DNAH7: variants seen among roughly 807,000 people sequenced by gnomAD.
DNAH7 encodes axonemal beta dynein heavy chain 7.
In DNAH7, 397 loss-of-function variants were observed where a neutral mutation model predicts 444.6. The ratio of observed to expected loss-of-function variants is 0.89; its 90% confidence interval spans 0.82 to 0.97. The LOEUF (loss-of-function observed/expected upper bound fraction) is 0.97, where lower values mean the gene tolerates loss of function less well. Among genes scored for constraint, DNAH7 ranks in the 50% least tolerant of loss-of-function variants. DNAH7 has a pLI of 0.00. For synonymous variants in DNAH7, 1,636 were observed against 1,624.4 expected, an observed-to-expected ratio of 1.01 and a Z score of -0.17; for missense variants, 4,902 against 4,800.8, an observed-to-expected ratio of 1.02 and a Z score of -0.62.
intron 47 of DNAH7, among the ~76,000 whole-genome samples, chr2:195,839,048 C>G (rs1698535641): frequency 6.6e-6 from 1 of 151,724 alleles, no homozygotes; most frequent in South Asian, 2.1e-4. Flanking sequence ...TTCAAAATGC[C>G]ATTCACTCAA....
chr2:196,002,096 T>C (rs938352865), intron 10 of DNAH7, among the ~76,000 whole-genome samples: 4 of 152,204 alleles, frequency 2.6e-5, no homozygotes, highest in African/African-American at 7.2e-5. Context: ...AAAGACATAA[T>C]TCTAACTCCT....
chr2:195,864,134 T>G lies in DNAH7; in HGVS notation c.7506+15A>C, dbSNP rs369455932. 1.5e-5 allele frequency: 24 copies of G among 1,600,530 alleles called. No homozygotes were observed. The highest frequency in any genetic ancestry group is 2.1e-5 in the Non-Finnish European group (24 of 1,169,634). On this transcript the variant is annotated intron_variant, in intron 41 of 64. Coordinates refer to ENST00000312428, the MANE Select transcript of DNAH7 (RefSeq NM_018897.3). The stretch of plus-strand genomic sequence containing the variant: ...AACATTTCTAGAAGTCTATCTAAAA[T>G]GTACATGACAATACCTGAAACCAGT...
chr2:195,953,590 G>A (rs1690418360), intron 19 of DNAH7, among the ~76,000 whole-genome samples: 1 of 152,168 alleles, frequency 6.6e-6, no homozygotes, highest in Non-Finnish European at 1.5e-5. Flanking sequence ...TTATCTATAA[G>A]CCCCTGACTG....
chr2:195,927,180 G>T (rs914600184), intron 21 of DNAH7, among the ~76,000 whole-genome samples: 1 of 152,158 alleles, frequency 6.6e-6, no homozygotes, highest in Non-Finnish European at 1.5e-5. Flanking sequence ...CAATACCTAC[G>T]TTCGGTGGAC....
intron 18 of DNAH7, among the ~76,000 whole-genome samples, chr2:195,958,695 C>T (rs377088841): frequency 2.0e-5 from 3 of 152,084 alleles, no homozygotes; most frequent in East Asian, 3.9e-4. Context: ...ATTTAATTTC[C>T]TCAAGAATAA....
intron 10 of DNAH7, among the ~76,000 whole-genome samples, chr2:196,011,127 G>C (rs1417856394): frequency 6.6e-6 from 1 of 152,088 alleles, no homozygotes; most frequent in African/African-American, 2.4e-5. Context: ...AGAATTTATA[G>C]TATATTCCAA....
intron 49 of DNAH7, among the ~76,000 whole-genome samples, chr2:195,820,810 A>G (rs1244503108): frequency 6.6e-6 from 1 of 152,230 alleles, no homozygotes; most frequent in Non-Finnish European, 1.5e-5. Context: ...GGAGAGAAGA[A>G]ACAACCCCAT....
chr2:195,742,448 CAA>C (rs1467107387), intron 63 of DNAH7, among the ~76,000 whole-genome samples: 2 of 152,108 alleles, frequency 1.3e-5, no homozygotes, highest in African/African-American at 4.8e-5. Flanking sequence ...AGAAAGTAAA[CAA>C]AAGAGTTCAT....
At chr2:195,762,639 C>T in intron 61 of DNAH7, among the ~76,000 whole-genome samples, 1 of 152,034 alleles carries the variant, frequency 6.6e-6, no homozygotes, top group East Asian at 1.9e-4. Flanking sequence ...CCAAGAAGGC[C>T]ATTATATAAT....
intron 5 of DNAH7, among the ~76,000 whole-genome samples, chr2:196,043,325 A>G (rs1696891684): frequency 2.6e-5 from 4 of 152,148 alleles, no homozygotes. Context: ...ATTACCAACA[A>G]AATAATGACA....
At chr2:195,805,291 A>G (rs1391656468) in intron 54 of DNAH7, among the ~76,000 whole-genome samples, 1 of 152,136 alleles carries the variant, frequency 6.6e-6, no homozygotes, top group Non-Finnish European at 1.5e-5. Flanking sequence ...GGTCAGTGGT[A>G]CATCCAGAGC....
At chr2:195,975,533 G>A (rs2090669) in intron 15 of DNAH7, among the ~76,000 whole-genome samples, 10,423 of 152,122 alleles carry the variant, frequency 0.069, 481 homozygotes, top group African/African-American at 0.13. Context: ...TTTTAGTGCC[G>A]TGTGGGGTCA....
Position 195,957,358 on chromosome 2 carries a change from A to C in DNAH7, c.2981T>G (p.Phe994Cys), listed in dbSNP as rs1690741583. The C allele has an allele frequency of 6.2e-7, 1 of 1,607,526 alleles. No homozygotes were observed. Among genetic ancestry groups the C allele is most frequent in the Non-Finnish European group, 8.5e-7 (1 of 1,175,580 alleles). Residue 994 changes from phenylalanine (F) to cysteine (C), a missense_variant, in exon 19 of 65, where the codon TTC becomes TGC. Transcript: ENST00000312428. ...QATWLYLEPIFSSPDIMSQMP... is the reference protein window; with the variant it reads ...QATWLYLEPICSSPDIMSQMP... ...TTGAGACATAATGTCTGGAGAGCTGAAAATGGGCTCCAGATACAGCCACGT... is the reference window on the plus strand; with the variant it reads ...TTGAGACATAATGTCTGGAGAGCTGCAAATGGGCTCCAGATACAGCCACGT...
chr2:195,999,189 G>A (rs547185809), intron 12 of DNAH7: 1 of 717,426 alleles, frequency 1.4e-6, no homozygotes, highest in Admixed American at 2.0e-5. Context: ...GCTGAAAGGT[G>A]ACAGACCTTT....
chr2:195,797,688 G>A (rs1057144664), intron 55 of DNAH7, among the ~76,000 whole-genome samples: 1 of 152,156 alleles, frequency 6.6e-6, no homozygotes, highest in Admixed American at 6.6e-5. Context: ...GCCCTTACTA[G>A]GGGCCTCCTT....
chr2:195,754,276 G>T, intron 63 of DNAH7, 61 bp downstream of exon 63: 1 of 1,488,656 alleles, frequency 6.7e-7, no homozygotes, highest in Non-Finnish European at 9.1e-7. Context: ...AAGTATGCTA[G>T]AATGTCATGT....
intron 58 of DNAH7, among the ~76,000 whole-genome samples, chr2:195,778,571 ATTGT>A (rs1695181541): frequency 6.9e-6 from 1 of 143,920 alleles, no homozygotes; most frequent in African/African-American, 2.6e-5. Context: ...GTGAACAATA[ATTGT>A]GCCACTACTC....
chr2:195,744,611 G>C (rs189069071), intron 63 of DNAH7, among the ~76,000 whole-genome samples: 4 of 152,252 alleles, frequency 2.6e-5, no homozygotes, highest in Non-Finnish European at 5.9e-5. Flanking sequence ...CCCCCAGTAG[G>C]GGCAGACTGA....
At chr2:195,836,617 C>T (rs1698387647) in intron 47 of DNAH7, among the ~76,000 whole-genome samples, 1 of 151,704 alleles carries the variant, frequency 6.6e-6, no homozygotes, top group African/African-American at 2.4e-5. Flanking sequence ...TAAGAAAAGA[C>T]ATCAAAAGAG....
Sources: allele counts gnomAD v4.1 joint callset (sites outside exome capture counted in the v4.1 genomes callset), GRCh38; gene constraint gnomAD v4.1.1; transcripts MANE v1.5; gene names NCBI Gene and HGNC (gene_info 2026-07-23, HGNC 2026-07-21).